FAF1: variants seen among roughly 807,000 people sequenced by gnomAD.
FAF1 encodes FAS-associated factor 1.
FAF1 carries 25 observed loss-of-function variants against 92.5 expected under a neutral mutation model. The ratio of observed to expected loss-of-function variants is 0.27; its 90% CI spans 0.20 to 0.38. The LOEUF is 0.38. FAF1 is among the 10% of genes least tolerant of loss of function. The pLI is 1.00. For synonymous variants in FAF1, 234 were observed against 273.2 expected, an observed-to-expected ratio of 0.86 and a Z score of 1.42; for missense variants, 636 against 793.3, an observed-to-expected ratio of 0.80 and a Z score of 2.38.
intron 8 of FAF1, among the ~76,000 whole-genome samples, chr1:50,654,494 T>C (rs182630433): frequency 6.6e-6 from 1 of 152,094 alleles, no homozygotes; most frequent in East Asian, 1.9e-4. Context: ...CAGCAATGAG[T>C]GGAAATGACA....
At chr1:50,957,584 A>T (rs1570189828) in intron 1 of FAF1, among the ~76,000 whole-genome samples, 2 of 151,632 alleles carry the variant, frequency 1.3e-5, no homozygotes, top group East Asian at 3.9e-4. Context: ...TGATCTCCTG[A>T]CCTCGTGATC....
intron 18 of FAF1, among the ~76,000 whole-genome samples, chr1:50,455,117 G>A (rs1646336298): frequency 6.6e-6 from 1 of 152,170 alleles, no homozygotes; most frequent in Non-Finnish European, 1.5e-5. Flanking sequence ...CAGCTCCCTT[G>A]GCTCTGGAAG....
At chr1:50,853,226 T>G (rs1644365113) in intron 2 of FAF1, among the ~76,000 whole-genome samples, 1 of 152,120 alleles carries the variant, frequency 6.6e-6, no homozygotes, top group South Asian at 2.1e-4. Flanking sequence ...CTACATGAAA[T>G]TTTAGGGCAA....
intron 8 of FAF1, among the ~76,000 whole-genome samples, chr1:50,647,398 C>A (rs1654644458): frequency 6.6e-6 from 1 of 152,170 alleles, no homozygotes; most frequent in South Asian, 2.1e-4. Flanking sequence ...ACGTCACTTT[C>A]CTTTTTTTGT....
intron 18 of FAF1, among the ~76,000 whole-genome samples, chr1:50,449,762 A>C (rs1242433739): frequency 4.0e-5 from 6 of 151,568 alleles, no homozygotes; most frequent in Non-Finnish European, 8.8e-5. Flanking sequence ...TGCTGGAATT[A>C]CAGGCATGAG....
chr1:50,939,789 T>C (rs1002186046), intron 1 of FAF1, among the ~76,000 whole-genome samples: 4 of 152,222 alleles, frequency 2.6e-5, no homozygotes, highest in African/African-American at 7.2e-5. Context: ...GATCATATGG[T>C]TTTTGCTTTT....
intron 1 of FAF1, among the ~76,000 whole-genome samples, chr1:50,920,691 G>A (rs1644955556): frequency 6.6e-6 from 1 of 152,062 alleles, no homozygotes; most frequent in Admixed American, 6.5e-5. Context: ...CATCTCACTA[G>A]AATATTCAAA....
chr1:50,714,871 A>G, intron 6 of FAF1: 1 of 250,730 alleles, frequency 4.0e-6, no homozygotes. Flanking sequence ...TTCAGAGCAG[A>G]CGTAGGCCAA....
At chr1:50,691,302 G>A (rs1017598165) in intron 7 of FAF1, among the ~76,000 whole-genome samples, 3 of 151,862 alleles carry the variant, frequency 2.0e-5, no homozygotes, top group Non-Finnish European at 4.4e-5. Flanking sequence ...GAGTGCAGTG[G>A]CACGATCTCA....
chr1:50,692,290 T>TGTGTGTGTG (rs1656971114), intron 7 of FAF1, among the ~76,000 whole-genome samples: 1 of 138,908 alleles, frequency 7.2e-6, no homozygotes, highest in South Asian at 2.3e-4. Context: ...TGTGTGTGTG[T>TGTGTGTGTG]GTGGTGGGAA....
intron 13 of FAF1, among the ~76,000 whole-genome samples, chr1:50,562,072 G>C (rs1441122753): frequency 2.6e-5 from 4 of 152,128 alleles, no homozygotes; most frequent in African/African-American, 7.2e-5. Flanking sequence ...GAGAAGGATG[G>C]GGAGAGGCAA....
intron 12 of FAF1, among the ~76,000 whole-genome samples, chr1:50,576,599 G>A (rs1271514676): frequency 1.3e-5 from 2 of 151,510 alleles, no homozygotes; most frequent in Non-Finnish European, 2.9e-5. Context: ...GAGGTGGGGA[G>A]GCCCCAAGGA....
chr1:50,874,085 C>T (rs1415372282), intron 1 of FAF1, among the ~76,000 whole-genome samples: 1 of 152,126 alleles, frequency 6.6e-6, no homozygotes, highest in Admixed American at 6.5e-5. Flanking sequence ...ATTGCAATGA[C>T]ACTGATTTCC....
chr1:50,926,477 G>A (rs1645006733), intron 1 of FAF1, among the ~76,000 whole-genome samples: 1 of 152,102 alleles, frequency 6.6e-6, no homozygotes, highest in South Asian at 2.1e-4. Context: ...TAAAATTACA[G>A]CTAGATAGGA....
intron 4 of FAF1, among the ~76,000 whole-genome samples, chr1:50,752,497 T>C (rs894529224): frequency 1.3e-5 from 2 of 152,154 alleles, no homozygotes; most frequent in African/African-American, 2.4e-5. Flanking sequence ...ATAACTTGTG[T>C]TTTCTCTTCT....
intron 8 of FAF1, among the ~76,000 whole-genome samples, chr1:50,600,370 G>A (rs1291363537): frequency 6.6e-6 from 1 of 152,122 alleles, no homozygotes; most frequent in Non-Finnish European, 1.5e-5. Context: ...ATAAAATTAT[G>A]TATGGATAAA....
chr1:50,493,544 C>T (rs1646864265), intron 15 of FAF1, among the ~76,000 whole-genome samples: 1 of 152,156 alleles, frequency 6.6e-6, no homozygotes, highest in Admixed American at 6.6e-5. Flanking sequence ...ACATTCTGTA[C>T]TTTCCCTTTA....
chr1:50,804,642 T>C (rs545011583), intron 2 of FAF1, among the ~76,000 whole-genome samples: 10 of 152,282 alleles, frequency 6.6e-5, no homozygotes, highest in East Asian at 5.8e-4. Context: ...CTAAGAATAA[T>C]TGACTCTCTT....
At chr1:50,862,513 T>A (rs773258647) in intron 1 of FAF1, among the ~76,000 whole-genome samples, 1 of 151,748 alleles carries the variant, frequency 6.6e-6, no homozygotes, top group Non-Finnish European at 1.5e-5. Context: ...TCGTATTTGT[T>A]AGCACAATAG....
Sources: gnomAD v4.1 joint callset for allele counts (sites outside exome capture counted in the v4.1 genomes callset) on GRCh38, gnomAD v4.1.1 for gene constraint, MANE v1.5 for transcripts, NCBI Gene and HGNC (gene_info 2026-07-23, HGNC 2026-07-21) for gene names.